Variants in RASSF3 observed in about 807,000 individuals in gnomAD.
RASSF3 encodes the protein ras association domain-containing protein 3.
Under a neutral mutation model 19.9 loss-of-function variants are expected in RASSF3, and 19 were observed. The observed-to-expected ratio is 0.96, with a 90% CI of 0.67 to 1.40. The LOEUF is 1.40. Ranked by LOEUF, RASSF3 falls within the 40% of genes most tolerant of loss-of-function variation. RASSF3 has a pLI of 0.00. For synonymous variants in RASSF3, 110 were observed against 104.2 expected, an observed-to-expected ratio of 1.06 and a Z score of -0.34; for missense variants, 306 against 289.8, an observed-to-expected ratio of 1.06 and a Z score of -0.41.
chr12:64,664,906 A>G (rs1057506837), intron 1 of RASSF3, among the ~76,000 whole-genome samples: 2 of 152,210 alleles, frequency 1.3e-5, no homozygotes, highest in African/African-American at 2.4e-5. Context: ...TTATACTTCT[A>G]AAACTATTGA....
intron 1 of RASSF3, among the ~76,000 whole-genome samples, chr12:64,622,949 T>C (rs1037140792): frequency 6.6e-6 from 1 of 151,996 alleles, no homozygotes; most frequent in Admixed American, 6.6e-5. Flanking sequence ...GCCTCCCCAG[T>C]AGCTGGGAAT....
At chr12:64,678,540 A>G (rs1872989550) in intron 1 of RASSF3, among the ~76,000 whole-genome samples, 2 of 148,866 alleles carry the variant, frequency 1.3e-5, no homozygotes, top group African/African-American at 5.0e-5. Flanking sequence ...CTGTGCATAT[A>G]TTGTCCCCCA....
intron 1 of RASSF3, among the ~76,000 whole-genome samples, chr12:64,512,711 G>A (rs1868336141): frequency 6.6e-6 from 1 of 152,050 alleles, no homozygotes; most frequent in Non-Finnish European, 1.5e-5. Context: ...GATGGAGAGG[G>A]GTCTCCTACA....
intron 1 of RASSF3, among the ~76,000 whole-genome samples, chr12:64,640,729 A>G (rs1016500257): frequency 1.3e-5 from 2 of 152,038 alleles, no homozygotes; most frequent in African/African-American, 4.8e-5. Context: ...TGCAGCCTCA[A>G]CCTCCCGGGC....
chr12:64,638,217 T>G (rs1313296074), intron 1 of RASSF3, among the ~76,000 whole-genome samples: 1 of 152,220 alleles, frequency 6.6e-6, no homozygotes, highest in Admixed American at 6.5e-5. Flanking sequence ...ATTAATTTAT[T>G]GAAGTAGGTC....
chr12:64,537,369 G>A (rs896001333), intron 1 of RASSF3, among the ~76,000 whole-genome samples: 1 of 152,186 alleles, frequency 6.6e-6, no homozygotes, highest in African/African-American at 2.4e-5. Context: ...TTGAGGTTCT[G>A]AGTAGGATAG....
intron 2 of RASSF3, among the ~76,000 whole-genome samples, chr12:64,685,842 C>G (rs927452452): frequency 6.6e-6 from 1 of 152,214 alleles, no homozygotes; most frequent in Non-Finnish European, 1.5e-5. Flanking sequence ...ATCTAGGTCT[C>G]GCCTACCCAT....
chr12:64,520,740 GA>G (rs71092977), intron 1 of RASSF3, among the ~76,000 whole-genome samples: 1 of 151,144 alleles, frequency 6.6e-6, no homozygotes, highest in African/African-American at 2.4e-5. Context: ...AAGGACATTG[GA>G]AAAAAAAGAG....
At chr12:64,599,965 G>C (rs1000525449) in intron 2 of RASSF3, among the ~76,000 whole-genome samples, 6 of 149,588 alleles carry the variant, frequency 4.0e-5, no homozygotes, top group Non-Finnish European at 8.9e-5. Context: ...CCAGGAGGCG[G>C]AGCTTGCGGT....
At chr12:64,528,103 C>T (rs1353183855) in intron 1 of RASSF3, among the ~76,000 whole-genome samples, 2 of 151,952 alleles carry the variant, frequency 1.3e-5, no homozygotes, top group Non-Finnish European at 2.9e-5. Context: ...TAAACACACA[C>T]ACACAAAATG....
In RASSF3 at chr12:64,559,235, C is replaced by T. The variant is rs975141887; in HGVS notation, c.294+17530C>T. Among the ~76,000 whole-genome samples the T allele has an allele frequency of 4.1e-5, 6 of 147,024 alleles. No homozygotes were observed. The East Asian group carries it at 8.0e-4, about 20-fold the overall frequency. ...GGGTCCTGTGGGTCCATTTTCTTTT[C>T]TTCTTTTTTTCTTTTTTTTTTTTTT... On this transcript the variant is annotated intron_variant, in intron 2 of 5. Coordinates refer to the RASSF3 transcript ENST00000637125.
At chr12:64,558,682 T>C (rs1000078182) in intron 2 of RASSF3, among the ~76,000 whole-genome samples, 3 of 152,148 alleles carry the variant, frequency 2.0e-5, no homozygotes, top group African/African-American at 7.2e-5. Flanking sequence ...CCTGAGTAAA[T>C]GGCCAGAGGT....
intron 2 of RASSF3, among the ~76,000 whole-genome samples, chr12:64,599,957 A>G (rs571604894): frequency 6.8e-5 from 10 of 146,300 alleles, no homozygotes; most frequent in East Asian, 2.0e-4. Flanking sequence ...GCGTGAACCC[A>G]GGAGGCGGAG....
At position 64,523,778 on chromosome 12, in the gene RASSF3, G is replaced by C. The variant is rs1868526857; in HGVS notation, c.169+16449G>C. 2.0e-5 allele frequency among the ~76,000 whole-genome samples: 3 copies of C among 150,468 alleles called. No homozygotes were observed. The South Asian group carries it at 6.4e-4, about 32-fold the overall frequency. On this transcript the variant is annotated intron_variant, in intron 1 of 5. Coordinates refer to the RASSF3 transcript ENST00000637125. The stretch of plus-strand genomic sequence containing the variant: ...GTGGCTATTCACAGGTGTGATCACA[G>C]TGCCTTGCGGCCTCACATTTCTGGG...
At chr12:64,524,918 G>A (rs1249775627) in intron 1 of RASSF3, among the ~76,000 whole-genome samples, 1 of 152,138 alleles carries the variant, frequency 6.6e-6, no homozygotes, top group African/African-American at 2.4e-5. Context: ...TAGGCATCAG[G>A]TCTTAGAGTT....
intron 2 of RASSF3, among the ~76,000 whole-genome samples, chr12:64,579,810 T>G (rs1869659690): frequency 3.1e-5 from 1 of 32,266 alleles, no homozygotes; most frequent in Admixed American, 3.6e-4. Context: ...TTTTTTTGGG[T>G]TTTTTTTTTT....
intron 1 of RASSF3, among the ~76,000 whole-genome samples, chr12:64,662,000 A>G (rs1336887659): frequency 6.6e-6 from 1 of 151,950 alleles, no homozygotes; most frequent in Non-Finnish European, 1.5e-5. Context: ...TAAAAAAAAA[A>G]AAAAAGTGTA....
At chr12:64,557,896 C>G (rs1234648620) in intron 2 of RASSF3, among the ~76,000 whole-genome samples, 1 of 152,062 alleles carries the variant, frequency 6.6e-6, no homozygotes, top group Admixed American at 6.6e-5. Flanking sequence ...ATAATTGGGT[C>G]CCCTGGTCAG....
intron 2 of RASSF3, among the ~76,000 whole-genome samples, chr12:64,567,298 G>C (rs1454299986): frequency 6.6e-6 from 1 of 152,154 alleles, no homozygotes; most frequent in Non-Finnish European, 1.5e-5. Flanking sequence ...AACAAGTGCA[G>C]ATACAAAGGA....
Sources: gnomAD v4.1 joint callset for allele counts (sites outside exome capture counted in the v4.1 genomes callset) on GRCh38, gnomAD v4.1.1 for gene constraint, MANE v1.5 for transcripts, NCBI Gene and HGNC (gene_info 2026-07-23, HGNC 2026-07-21) for gene names.